The following GFRA2 variants were observed in gnomAD, a reference collection of about 807,000 sequenced individuals.
GFRA2 encodes GDNF family receptor alpha 2.
GFRA2 carries 17 observed loss-of-function variants against 48.3 expected under a neutral mutation model. That is an observed-to-expected ratio of 0.35 (90% CI 0.24 to 0.53). The LOEUF is 0.53. Among genes scored for constraint, GFRA2 ranks in the 20% least tolerant of loss-of-function variants. The pLI, the probability that GFRA2 is intolerant of heterozygous loss-of-function variation, is 0.93. For synonymous variants in GFRA2, 305 were observed against 257.2 expected, an observed-to-expected ratio of 1.19 and a Z score of -1.78; for missense variants, 660 against 637.3, an observed-to-expected ratio of 1.04 and a Z score of -0.38.
At chr8:21,789,499 G>A (rs1470844536), upstream of GFRA2, among the ~76,000 whole-genome samples, 1 of 151,928 alleles carries the variant, frequency 6.6e-6, no homozygotes, top group Non-Finnish European at 1.5e-5. Context: ...CGGGTCTGAG[G>A]GGGGCTCCAC....
rs374022990 is a variant in GFRA2 at position 21,703,824 on chromosome 8, A to G, written c.1046-847T>C. ...GCCACCACTGTGTGCCCCTGTGAGCAGCTACTATGGCCTTCTGATGGGCCT... is the reference window on the plus strand; with the variant it reads ...GCCACCACTGTGTGCCCCTGTGAGCGGCTACTATGGCCTTCTGATGGGCCT... On this transcript the variant is annotated intron_variant, in intron 6 of 8. Coordinates refer to ENST00000524240, the MANE Select transcript of GFRA2 (RefSeq NM_001495.5). Among the ~76,000 whole-genome samples the G allele has an allele frequency of 4.3e-4, 66 of 152,296 alleles. 1 individual carries two copies. Among genetic ancestry groups the G allele is most frequent in the African/African-American group, 1.4e-3 (59 of 41,564 alleles).
chr8:21,784,682 G>A (rs1053331256), intron 1 of GFRA2, among the ~76,000 whole-genome samples: 1 of 152,128 alleles, frequency 6.6e-6, no homozygotes, highest in Non-Finnish European at 1.5e-5. Flanking sequence ...AGGCTTCTTC[G>A]GGGCCCAGAG....
chr8:21,701,549 G>A (rs1802480865), intron 7 of GFRA2, among the ~76,000 whole-genome samples: 1 of 152,184 alleles, frequency 6.6e-6, no homozygotes, highest in African/African-American at 2.4e-5. Flanking sequence ...GGCTCTCTCA[G>A]CTGTCCTGCC....
chr8:21,765,156 C>T (rs1468388340), intron 3 of GFRA2, among the ~76,000 whole-genome samples: 1 of 151,932 alleles, frequency 6.6e-6, no homozygotes, highest in African/African-American at 2.4e-5. Context: ...CTGTCACCCA[C>T]ACTGGAGTGC....
At chr8:21,811,712 T>C (rs1027804493) in intron 1 of GFRA2, among the ~76,000 whole-genome samples, 16 of 151,592 alleles carry the variant, frequency 1.1e-4, no homozygotes, top group Non-Finnish European at 2.2e-4. Context: ...CCCCTGCAAG[T>C]GAATGGAGAT....
rs1198785547 is a variant in GFRA2 at position 21,750,588 on chromosome 8, C to T, written c.794G>A (p.Arg265Gln). Reference sequence around the variant, plus strand: ...CCACCGGGGCTGCCGCGGCACTCACCGACACAGGTGGTCAGTCCGGCACAC... The same window carrying T: ...CCACCGGGGCTGCCGCGGCACTCACTGACACAGGTGGTCAGTCCGGCACAC... ...RGVCRTDHLC[R>Q]SRLADFHANC... Residue 265 changes from arginine (R) to glutamine (Q), a missense_variant and splice_region_variant, in exon 4 of 9, where the codon CGG (arginine) becomes CAG (glutamine). Physicochemically the swap from Arg to Gln is conservative, Grantham distance 43. Coordinates refer to ENST00000524240, the MANE Select transcript of GFRA2 (RefSeq NM_001495.5). This position sits in a 1 kb window ranked among gnomAD's most constrained non-coding sequence, Gnocchi z 5.7. The T allele has an allele frequency of 5.7e-6, 9 of 1,586,814 alleles. No individual in the cohort carries two copies. Among genetic ancestry groups the T allele is most frequent in the South Asian group, 4.5e-5 (4 of 89,010 alleles).
At chr8:21,739,995 C>T (rs1364655820) in intron 4 of GFRA2, among the ~76,000 whole-genome samples, 1 of 152,182 alleles carries the variant, frequency 6.6e-6, no homozygotes, top group Non-Finnish European at 1.5e-5. Context: ...TATCGTGGCC[C>T]CTCCAAGCCC....
At chr8:21,756,516 T>C (rs4451302) in intron 3 of GFRA2, among the ~76,000 whole-genome samples, 1 of 151,916 alleles carries the variant, frequency 6.6e-6, no homozygotes, top group Non-Finnish European at 1.5e-5. Flanking sequence ...GCTGGGCACA[T>C]GGCCAGCCAC....
intron 3 of GFRA2, among the ~76,000 whole-genome samples, chr8:21,772,883 G>A (rs1445124021): frequency 2.0e-5 from 3 of 152,200 alleles, no homozygotes; most frequent in Non-Finnish European, 2.9e-5. Context: ...GGATCTCTAC[G>A]CTTCAACATC....
intron 4 of GFRA2, among the ~76,000 whole-genome samples, chr8:21,721,515 A>C (rs1429630267): frequency 6.6e-6 from 1 of 152,196 alleles, no homozygotes; most frequent in Non-Finnish European, 1.5e-5. Context: ...AGAGACGAGG[A>C]GGAGGATTTG....
chr8:21,806,067 C>T (rs1421255534), intron 1 of GFRA2, among the ~76,000 whole-genome samples: 3 of 152,158 alleles, frequency 2.0e-5, no homozygotes, highest in Admixed American at 2.0e-4. Context: ...TGCAAAGGGT[C>T]GAGGCAGCCC....
At chr8:21,741,403 G>C (rs1194052206) in intron 4 of GFRA2, among the ~76,000 whole-genome samples, 1 of 152,056 alleles carries the variant, frequency 6.6e-6, no homozygotes, top group Non-Finnish European at 1.5e-5. Context: ...AACTTTTCCT[G>C]GCCAAGCAGA....
chr8:21,784,944 G>A (rs1019177328), intron 1 of GFRA2, among the ~76,000 whole-genome samples: 3 of 152,126 alleles, frequency 2.0e-5, no homozygotes, highest in African/African-American at 4.8e-5. Context: ...ACACGGCCCC[G>A]CCTGTACCTG....
chr8:21,763,947 G>A (rs1222220987), intron 3 of GFRA2, among the ~76,000 whole-genome samples: 1 of 131,458 alleles, frequency 7.6e-6, no homozygotes, highest in African/African-American at 2.9e-5. Flanking sequence ...AAGGTCACTA[G>A]GTAACACACA....
rs114051246 is a variant in GFRA2 at position 21,731,107 on chromosome 8, C to T, written c.794+19481G>A. On this transcript the variant is annotated intron_variant, in intron 4 of 8. Coordinates refer to ENST00000524240, the MANE Select transcript of GFRA2 (RefSeq NM_001495.5). The stretch of plus-strand genomic sequence containing the variant: ...CCCTCTTTCTGCCTGATCCTCCCAG[C>T]ACCCCCATCTAGAACAAGTGTTACT... Among the ~76,000 whole-genome samples the T allele has an allele frequency of 8.1e-3, 1,233 of 152,226 alleles. 10 individuals carry two copies. The highest frequency in any genetic ancestry group is 0.028 in the African/African-American group (1,165 of 41,514).
At chr8:21,780,210 C>T (rs1038616119) in intron 2 of GFRA2, among the ~76,000 whole-genome samples, 1 of 152,056 alleles carries the variant, frequency 6.6e-6, no homozygotes, top group Non-Finnish European at 1.5e-5. Flanking sequence ...CAGGAGGGCC[C>T]GGGGAAAGGT....
intron 1 of GFRA2, among the ~76,000 whole-genome samples, chr8:21,784,690 G>C (rs950237306): frequency 2.0e-5 from 3 of 152,330 alleles, no homozygotes; most frequent in Non-Finnish European, 4.4e-5. Flanking sequence ...TCGGGGCCCA[G>C]AGCAAAAGAC....
intron 3 of GFRA2, among the ~76,000 whole-genome samples, chr8:21,768,055 C>T (rs1447436856): frequency 6.6e-6 from 1 of 152,194 alleles, no homozygotes; most frequent in African/African-American, 2.4e-5. Context: ...TTCCTCCTGG[C>T]GGCCCCAAGC....
At chr8:21,700,285 GC>G (rs1802408471) in intron 7 of GFRA2, among the ~76,000 whole-genome samples, 1 of 152,200 alleles carries the variant, frequency 6.6e-6, no homozygotes, top group African/African-American at 2.4e-5. Context: ...AGACCATTTT[GC>G]AGGCCCTATC....
Sources: allele counts gnomAD v4.1 joint callset (sites outside exome capture counted in the v4.1 genomes callset), GRCh38; gene constraint gnomAD v4.1.1; non-coding constraint Gnocchi (gnomAD v3.1); transcripts MANE v1.5; gene names NCBI Gene and HGNC (gene_info 2026-07-23, HGNC 2026-07-21).